The following CPNE4 variants were observed in gnomAD, a reference collection of about 807,000 sequenced individuals.
CPNE4 encodes the protein copine 4.
CPNE4 carries 25 observed loss-of-function variants against 67.9 expected under a neutral mutation model. That is an observed-to-expected ratio of 0.37 (90% CI 0.27 to 0.51). CPNE4 has a LOEUF of 0.51. Ranked by LOEUF, CPNE4 falls within the 20% of genes least tolerant of loss-of-function variation. CPNE4 has a pLI of 0.93. For missense variants in CPNE4, 464 were observed against 690.8 expected (o/e 0.67, Z 3.68); for synonymous variants, 242 against 244.9 (o/e 0.99, Z 0.11).
At chr3:131,790,060 A>G (rs1374380394) in intron 2 of CPNE4, among the ~76,000 whole-genome samples, 1 of 152,102 alleles carries the variant, frequency 6.6e-6, no homozygotes, top group Non-Finnish European at 1.5e-5. Flanking sequence ...ATCAAGGAGA[A>G]TCGTGTTTCT....
chr3:132,034,438 T>G (rs2074304211), intron 1 of CPNE4, 129 bp downstream of exon 1: 1 of 257,788 alleles, frequency 3.9e-6, no homozygotes, highest in African/African-American at 2.3e-5. Context: ...ACAACAGCAA[T>G]GACAAACGTG....
In CPNE4 at chr3:131,549,975, G is replaced by A. The variant is rs1362133882; in HGVS notation, c.1274C>T (p.Ser425Leu). Reference sequence around the variant, plus strand: ...TGCCTCCTTGGTGTTAGTTTCCTCTGACGCTGACTTGGCAACCTTCTGGAT... The same window carrying A: ...TGCCTCCTTGGTGTTAGTTTCCTCTAACGCTGACTTGGCAACCTTCTGGAT... ...PIIQKVAKSA[S>L]EETNTKEASQ... The change falls in exon 14 of 16, where the codon TCA becomes TTA. Residue 425 changes from serine to leucine, a missense_variant. By Grantham distance (145) the Ser-to-Leu change is moderately radical (BLOSUM62 -2). Coordinates refer to ENST00000429747, the MANE Select transcript of CPNE4 (RefSeq NM_130808.3). 3 of 1,613,032 alleles carry A rather than the reference G, an allele frequency of 1.9e-6. No individual in the cohort carries two copies. The African/African-American group carries it at 4.0e-5, about 22-fold the overall frequency.
At chr3:131,550,356 A>G (rs1244831835) in intron 13 of CPNE4, among the ~76,000 whole-genome samples, 1 of 152,134 alleles carries the variant, frequency 6.6e-6, no homozygotes, top group African/African-American at 2.4e-5. Flanking sequence ...TTCGCTCCTC[A>G]TAGCATAATG....
At chr3:131,979,943 T>C (rs1281384971) in intron 1 of CPNE4, among the ~76,000 whole-genome samples, 1 of 152,188 alleles carries the variant, frequency 6.6e-6, no homozygotes, top group East Asian at 1.9e-4. Context: ...ATATTTTTCC[T>C]TCATATATGA....
intron 7 of CPNE4, 114 bp downstream of exon 7, chr3:131,669,561 G>A: frequency 2.8e-6 from 2 of 712,332 alleles, no homozygotes. Context: ...AAAGATGAGA[G>A]GGTTGGGTAC....
At chr3:131,956,015 CAGAT>C (rs776053857) in intron 1 of CPNE4, among the ~76,000 whole-genome samples, 88 of 152,224 alleles carry the variant, frequency 5.8e-4, no homozygotes, top group South Asian at 8.3e-4. Context: ...AATATGGTGA[CAGAT>C]AGATAGATAG....
chr3:131,565,682 T>C (rs527519722), intron 10 of CPNE4, among the ~76,000 whole-genome samples: 17 of 152,112 alleles, frequency 1.1e-4, no homozygotes, highest in Middle Eastern at 3.4e-3. Context: ...ATCTGTGTTA[T>C]GTTTTTCTTT....
chr3:131,670,535 G>T (rs1316821196), intron 6 of CPNE4, among the ~76,000 whole-genome samples: 1 of 152,158 alleles, frequency 6.6e-6, no homozygotes, highest in Non-Finnish European at 1.5e-5. Context: ...GCTGCTCTGT[G>T]CCTAGCATTG....
At chr3:132,011,670 C>T (rs2073766089) in intron 1 of CPNE4, among the ~76,000 whole-genome samples, 1 of 152,142 alleles carries the variant, frequency 6.6e-6, no homozygotes, top group Non-Finnish European at 1.5e-5. Context: ...AGAATAGGGC[C>T]TCATTTCAAA....
At chr3:131,876,017 T>C (rs1345853409) in intron 2 of CPNE4, among the ~76,000 whole-genome samples, 3 of 152,148 alleles carry the variant, frequency 2.0e-5, no homozygotes, top group African/African-American at 7.2e-5. Context: ...GCCATCTTTC[T>C]AGAGGTAAAG....
intron 14 of CPNE4, among the ~76,000 whole-genome samples, chr3:131,547,676 C>T (rs925103845): frequency 4.6e-5 from 7 of 151,894 alleles, no homozygotes; most frequent in African/African-American, 1.7e-4. Flanking sequence ...CTAATATATC[C>T]ACAGTTTTAT....
chr3:131,612,310 G>C (rs536795335), intron 7 of CPNE4, among the ~76,000 whole-genome samples: 1 of 152,224 alleles, frequency 6.6e-6, no homozygotes, highest in East Asian at 1.9e-4. Context: ...GGAGGTGGAG[G>C]TTGCAGTGAG....
chr3:131,684,401 T>C (rs1022368706), intron 6 of CPNE4, among the ~76,000 whole-genome samples: 3 of 152,260 alleles, frequency 2.0e-5, no homozygotes, highest in Non-Finnish European at 4.4e-5. Flanking sequence ...AAGAATTACA[T>C]TGTTCTATAG....
intron 7 of CPNE4, among the ~76,000 whole-genome samples, chr3:131,596,666 A>AT (rs1437810433): frequency 1.3e-5 from 2 of 150,244 alleles, no homozygotes; most frequent in East Asian, 1.9e-4. Flanking sequence ...AGTAAAGCAA[A>AT]TTTTTTTCAA....
chr3:131,870,876 C>T (rs568967133), intron 2 of CPNE4, among the ~76,000 whole-genome samples: 9 of 152,182 alleles, frequency 5.9e-5, no homozygotes, highest in African/African-American at 2.2e-4. Flanking sequence ...GATTACTCAG[C>T]CTGAAGAAGA....
At chr3:131,593,966 C>T (rs1471723427) in intron 7 of CPNE4, among the ~76,000 whole-genome samples, 1 of 152,110 alleles carries the variant, frequency 6.6e-6, no homozygotes, top group Non-Finnish European at 1.5e-5. Flanking sequence ...AATCTGCCTG[C>T]CTCGGACTCC....
At position 131,581,677 on chromosome 3, in the gene CPNE4, G is replaced by A; in HGVS notation, c.781-12C>T. 6.3e-7 allele frequency: 1 copy of A among 1,587,006 alleles called. No individual in the cohort carries two copies. The highest frequency in any genetic ancestry group is 8.7e-7 in the Non-Finnish European group (1 of 1,155,318). On this transcript the variant is annotated splice_polypyrimidine_tract_variant and intron_variant, in intron 8 of 15. Coordinates refer to ENST00000429747, the MANE Select transcript of CPNE4 (RefSeq NM_130808.3). ...CACTCCCACTGCACCTGAAAGAAGGGTCATAGCATGAGAATCTGTTCAGGA... is the reference window on the plus strand; with the variant it reads ...CACTCCCACTGCACCTGAAAGAAGGATCATAGCATGAGAATCTGTTCAGGA...
At chr3:131,953,593 C>T (rs2071846295) in intron 1 of CPNE4, among the ~76,000 whole-genome samples, 1 of 152,154 alleles carries the variant, frequency 6.6e-6, no homozygotes, top group African/African-American at 2.4e-5. Flanking sequence ...GGCGTATTAT[C>T]TTTTGCAGAA....
intron 1 of CPNE4, among the ~76,000 whole-genome samples, chr3:132,024,643 G>A (rs11713728): frequency 0.25 from 37,374 of 152,082 alleles, 4,813 homozygotes; most frequent in East Asian, 0.38. Flanking sequence ...ATAATATCCA[G>A]AAGGTCAGGA....
Sources: allele counts gnomAD v4.1 joint callset (sites outside exome capture counted in the v4.1 genomes callset), GRCh38; gene constraint gnomAD v4.1.1; transcripts MANE v1.5; gene names NCBI Gene and HGNC (gene_info 2026-07-23, HGNC 2026-07-21).